The following SYT3 variants were observed in gnomAD, a reference collection of about 807,000 sequenced individuals.
SYT3 encodes the protein synaptotagmin-3.
SYT3 carries 25 observed loss-of-function variants against 50.6 expected under a neutral mutation model. The ratio of observed to expected loss-of-function variants is 0.49; its 90% confidence interval spans 0.36 to 0.69. SYT3 has a LOEUF of 0.69. SYT3 is among the 30% of genes least tolerant of loss of function. The probability of loss-of-function intolerance (pLI) is 0.00; values close to 1 mark genes in which losing one functional copy is unlikely to be tolerated. For synonymous variants in SYT3, 323 were observed against 353.9 expected, an observed-to-expected ratio of 0.91 and a Z score of 0.98; for missense variants, 589 against 793.6, an observed-to-expected ratio of 0.74 and a Z score of 3.10.
At chr19:50,647,131 C>T in the SYT3 span, among the ~76,000 whole-genome samples, 9 of 151,808 alleles carry the variant, frequency 5.9e-5, no homozygotes, top group Middle Eastern at 3.4e-3. Flanking sequence ...CGCCTGGCTG[C>T]GGGAGGGATT....
chr19:50,625,375 C>T lies in SYT3; in HGVS notation c.1574+18G>A, dbSNP rs745986511. 1.3e-6 allele frequency: 2 copies of T among 1,542,440 alleles called. No individual in the cohort carries two copies. Among genetic ancestry groups the T allele is most frequent in the South Asian group, 1.2e-5 (1 of 83,448 alleles). On this transcript the variant is annotated intron_variant, in intron 8 of 10. Transcript: ENST00000600079. The surrounding 1 kb of genome is among the most constrained non-coding windows in gnomAD (Gnocchi z 7.5). ...CCCAGCCCTCCTGCCTGACCCCCGC[C>T]CGGGCCGCGCCCCTCACCAGTCGTA... is the stretch of plus-strand genomic sequence containing the variant.
At chr19:50,656,015 C>A in the SYT3 span, 1 of 1,532,370 alleles carries the variant, frequency 6.5e-7, no homozygotes, top group Non-Finnish European at 8.7e-7. Flanking sequence ...CTGAGGAGGG[C>A]TCAGGGCAGC....
the SYT3 span, chr19:50,656,261 A>T: frequency 1.0e-5 from 16 of 1,536,004 alleles, no homozygotes; most frequent in Non-Finnish European, 1.4e-5. Flanking sequence ...GCAGAGTACG[A>T]GGCACTGGAC....
rs1217432276 is a variant in SYT3, at chr19:50,637,804, T to A, written c.-15-378A>T. 5.5e-6 allele frequency: 1 copy of A among 180,600 alleles called. No individual in the cohort carries two copies. Among genetic ancestry groups the A allele is most frequent in the Non-Finnish European group, 1.2e-5 (1 of 85,790 alleles). 11.2% of individuals were successfully genotyped at this position (180,600 alleles called of 1,614,324 possible). A position where few individuals can be genotyped will look rare whatever the true frequency, so the allele number is the denominator to read the frequency against. ...GCAGTGAAGGGGCTAAGAATGAGGA[T>A]GCACAAATAAAGGGATGGACAGATG... On this transcript the variant is annotated intron_variant, in intron 2 of 10. Transcript: ENST00000600079. The surrounding 1 kb of genome is among the most constrained non-coding windows in gnomAD (Gnocchi z 4.9).
At chr19:50,641,108 G>A (rs192340770), upstream of SYT3, among the ~76,000 whole-genome samples, 15 of 151,488 alleles carry the variant, frequency 9.9e-5, no homozygotes, top group Middle Eastern at 3.4e-3. Context: ...GTGTGGTGGC[G>A]TGCACCTGTA....
At chr19:50,655,564 G>A in the SYT3 span, among the ~76,000 whole-genome samples, 3 of 151,986 alleles carry the variant, frequency 2.0e-5, no homozygotes, top group African/African-American at 7.3e-5. Context: ...CAGGAGAATG[G>A]CGTGAACCCG....
intron 9 of SYT3, among the ~76,000 whole-genome samples, chr19:50,624,552 G>A (rs550329536): frequency 1.1e-3 from 116 of 109,922 alleles, no homozygotes; most frequent in African/African-American, 4.3e-3. Flanking sequence ...AATCTTAAAT[G>A]ACTTTTTTTT....
rs527809590 is a variant in SYT3 at position 50,625,057 on chromosome 19, C to T, written c.1707+105G>A. On this transcript the variant is annotated intron_variant, in intron 9 of 10. Coordinates refer to ENST00000600079, the MANE Select transcript of SYT3 (RefSeq NM_001160329.2). The surrounding 1 kb of genome is among the most constrained non-coding windows in gnomAD (Gnocchi z 7.5). Reference sequence around the variant, plus strand: ...GCACAGCAGGGATTGAAACCTAGGACGCCTGGCTCTGCGACTCACGAACAT... The same window carrying T: ...GCACAGCAGGGATTGAAACCTAGGATGCCTGGCTCTGCGACTCACGAACAT... 1.1e-4 allele frequency: 133 copies of T among 1,244,150 alleles called. 1 individual carries two copies. The South Asian group carries it at 1.7e-3, about 16-fold the overall frequency. 77.1% of individuals were successfully genotyped at this position (1,244,150 alleles called of 1,614,324 possible). A position where few individuals can be genotyped will look rare whatever the true frequency, so the allele number is the denominator to read the frequency against.
chr19:50,657,574 TAATACGAATATAAAAGGA>T, the SYT3 span, among the ~76,000 whole-genome samples: 786 of 152,342 alleles, frequency 5.2e-3, 9 homozygotes, highest in African/African-American at 0.018. Context: ...CTTAAAATGC[TAATACGAATATAAAAGGA>T]AAGGTGTGTA....
At chr19:50,646,778 G>T in the SYT3 span, among the ~76,000 whole-genome samples, 1 of 151,928 alleles carries the variant, frequency 6.6e-6, no homozygotes, top group Non-Finnish European at 1.5e-5. Flanking sequence ...GGAAAGAGTG[G>T]AGACAGAAAT....
Position 50,637,390 on chromosome 19 carries a change from C to A in SYT3, c.22G>T (p.Asp8Tyr). Residue 8 changes from aspartate to tyrosine, a missense_variant, in exon 3 of 11, where the codon GAC becomes TAC. Asp to Tyr is a radical substitution (Grantham distance 160). Around this residue, in one of 2 missense-constraint regions of SYT3, gnomAD observed 316 missense variants for 354.3 expected, o/e 0.89. Coordinates refer to ENST00000600079, the MANE Select transcript of SYT3 (RefSeq NM_001160329.2). The surrounding 1 kb of genome is among the most constrained non-coding windows in gnomAD (Gnocchi z 4.9). ...AGGATGAGTGCCCGCCGGCAGAGGT[C>A]ATCCTCGTAGTCTCCTGACATGGTG... MSGDYEDDLCRRALILVS... is the reference protein window; with the variant it reads MSGDYEDYLCRRALILVS... 1 of 1,607,232 alleles carries A rather than the reference C, an allele frequency of 6.2e-7. No homozygotes were observed. Among genetic ancestry groups the A allele is most frequent in the South Asian group, 1.1e-5 (1 of 90,982 alleles).
At position 50,632,519 on chromosome 19, in the gene SYT3, C is replaced by T. The variant is rs147608314; in HGVS notation, c.441G>A (p.Glu147=). The T allele has an allele frequency of 6.2e-7, 1 of 1,609,030 alleles. No individual in the cohort carries two copies. The highest frequency in any genetic ancestry group is 8.5e-7 in the Non-Finnish European group (1 of 1,178,600). ...TGTCAGAACCCCCCAGGCTGCCTGG[C>T]TCCAGCAGCTCAGCAAAGGGTGGAT... ...AHHPPFAELL[E]PGSLGGSDTP... is the part of the protein sequence containing the mutation. The change falls in exon 4 of 11, where the codon GAG becomes GAA. Residue 147 remains glutamate, a synonymous_variant. Transcript: ENST00000600079. This position sits in a 1 kb window ranked among gnomAD's most constrained non-coding sequence, Gnocchi z 4.7.
chr19:50,634,572 C>CTTTTTTTT (rs3028785), intron 3 of SYT3, among the ~76,000 whole-genome samples: 3 of 74,242 alleles, frequency 4.0e-5, no homozygotes, highest in South Asian at 5.7e-4. Flanking sequence ...TCTTGGGGTG[C>CTTTTTTTT]TTTTTTTTTT....
rs770163135 is a variant in SYT3, at chr19:50,632,683, C to T, written c.277G>A (p.Gly93Ser). 129 of 1,589,794 alleles carry T rather than the reference C, an allele frequency of 8.1e-5. No individual in the cohort carries two copies. Among genetic ancestry groups the T allele is most frequent in the Non-Finnish European group, 9.8e-5 (115 of 1,169,054 alleles). The change falls in exon 4 of 11, where the codon GGT (glycine) becomes AGT (serine). Residue 93 changes from glycine (G) to serine (S), a missense_variant. Gly to Ser is a moderately conservative substitution (Grantham distance 56, BLOSUM62 0). Coordinates refer to ENST00000600079, the MANE Select transcript of SYT3 (RefSeq NM_001160329.2). This position sits in a 1 kb window ranked among gnomAD's most constrained non-coding sequence, Gnocchi z 4.7. ...CCTAGGTCTTTGCGCAGGGGGCCAC[C>T]GCCCACTGCCGAGCCTCCCTTGTCC... ...WRDKGGSAVG[G>S]GPLRKDLGPG...
chr19:50,625,398 G>T lies in SYT3; in HGVS notation c.1569C>A (p.Tyr523Ter). 1.3e-6 allele frequency: 2 copies of T among 1,549,382 alleles called. No homozygotes were observed. The highest frequency in any genetic ancestry group is 8.7e-7 in the Non-Finnish European group (1 of 1,147,156). The change falls in exon 8 of 11, where the codon TAC becomes TAA. Residue 523 changes from tyrosine (Y) to a stop codon, truncating the protein, a stop_gained. Coordinates refer to ENST00000600079, the MANE Select transcript of SYT3 (RefSeq NM_001160329.2). LOFTEE classifies it high-confidence loss of function. The surrounding 1 kb of genome is among the most constrained non-coding windows in gnomAD (Gnocchi z 7.5). The part of the protein sequence containing the change: ...NVGLSIAVVD[Y>*]DCIGHNEVIG... ...GCCCGGGCCGCGCCCCTCACCAGTC[G>T]TAGTCTACCACGGCGATGCTGAGCC...
At chr19:50,622,559 C>T (rs1212805091) in intron 10 of SYT3, 78 bp from the exon 11 acceptor site, 1 of 734,732 alleles carries the variant, frequency 1.4e-6, no homozygotes, top group Non-Finnish European at 2.5e-6. Flanking sequence ...CCATCACCAC[C>T]CAGAGATCCA....
At position 50,637,480 on chromosome 19, in the gene SYT3, CAGGGTGGGCAGGTGTGGAGATA is replaced by C. The variant is rs1357387924; in HGVS notation, c.-15-76_-15-55del. On this transcript the variant is annotated intron_variant, in intron 2 of 10. Transcript: ENST00000600079. The surrounding 1 kb of genome is among the most constrained non-coding windows in gnomAD (Gnocchi z 4.9). ...GCAGATGGGAAACAGAATGGGAGTG[CAGGGTGGGCAGGTGTGGAGATA>C]AGGGTGGAAAGAGACACCGAGAAAA... is the stretch of plus-strand genomic sequence containing the variant. The C allele has an allele frequency of 7.4e-6, 11 of 1,493,324 alleles. No individual in the cohort carries two copies. In the East Asian group the frequency reaches 2.3e-4, roughly 31 times the overall value. The allele number at this position is 1,493,324 out of a possible 1,614,324, so 92.5% of individuals were successfully genotyped here.
At chr19:50,636,992 C>T (rs1984515647) in intron 3 of SYT3, among the ~76,000 whole-genome samples, 1 of 152,174 alleles carries the variant, frequency 6.6e-6, no homozygotes, top group African/African-American at 2.4e-5. Context: ...ACTCAAGAGC[C>T]TGACATTTGC....
At chr19:50,636,263 A>C (rs1038982687) in intron 3 of SYT3, among the ~76,000 whole-genome samples, 1 of 147,846 alleles carries the variant, frequency 6.8e-6, no homozygotes, top group Non-Finnish European at 1.5e-5. Flanking sequence ...CATCTCAAAA[A>C]CAAACAGACA....
Sources: allele counts gnomAD v4.1 joint callset (sites outside exome capture counted in the v4.1 genomes callset), GRCh38; gene constraint gnomAD v4.1.1; regional missense constraint gnomAD v4.1.1; non-coding constraint Gnocchi (gnomAD v3.1); transcripts MANE v1.5; gene names NCBI Gene and HGNC (gene_info 2026-07-23, HGNC 2026-07-21).